Variants in PARN observed in about 807,000 individuals in gnomAD.
The protein encoded by PARN is poly(A)-specific ribonuclease.
PARN carries 71 observed loss-of-function variants against 102.8 expected under a neutral mutation model. The observed-to-expected ratio is 0.69, with a 90% confidence interval of 0.57 to 0.84. The LOEUF is 0.84. PARN is among the 40% of genes least tolerant of loss of function. The pLI, the probability that PARN is intolerant of heterozygous loss-of-function variation, is 0.00. For missense variants in PARN, 782 were observed against 760.9 expected, an observed-to-expected ratio of 1.03 and a Z score of -0.33; for synonymous variants, 261 against 252.9, an observed-to-expected ratio of 1.03 and a Z score of -0.30.
At chr16:14,542,315 TTTC>T (rs1651395078) in intron 21 of PARN, among the ~76,000 whole-genome samples, 1 of 151,800 alleles carries the variant, frequency 6.6e-6, no homozygotes, top group Non-Finnish European at 1.5e-5. Context: ...CTTTTTTTTT[TTTC>T]TTCTTTTTTT....
intron 22 of PARN, among the ~76,000 whole-genome samples, chr16:14,472,622 A>G (rs567849540): frequency 6.6e-6 from 1 of 152,264 alleles, no homozygotes; most frequent in African/African-American, 2.4e-5. Flanking sequence ...AGGCACAAAA[A>G]ACATGGCACC....
In PARN at chr16:14,559,382, T is replaced by C. The variant is rs76114605; in HGVS notation, c.1263-3673A>G. On this transcript the variant is annotated intron_variant, in intron 18 of 23. Coordinates refer to ENST00000437198, the MANE Select transcript of PARN (RefSeq NM_002582.4). ...TCTGATTAAAGTAAGCAAAAATTTA[T>C]TCTCAGCTAAAACACTCAAAAGATT... 2.9e-3 allele frequency among the ~76,000 whole-genome samples: 435 copies of C among 152,136 alleles called. 4 individuals carry two copies. Among genetic ancestry groups the C allele is most frequent in the Admixed American group, 0.013 (192 of 15,266 alleles).
intron 21 of PARN, among the ~76,000 whole-genome samples, chr16:14,508,296 A>T (rs1965000601): frequency 6.6e-6 from 1 of 152,076 alleles, no homozygotes; most frequent in East Asian, 1.9e-4. Context: ...TTGAGATGCC[A>T]AGGTAGGGGG....
At chr16:14,617,827 A>G (rs971831225) in intron 5 of PARN, among the ~76,000 whole-genome samples, 177 bp from the exon 6 acceptor site, 1 of 152,178 alleles carries the variant, frequency 6.6e-6, no homozygotes, top group African/African-American at 2.4e-5. Flanking sequence ...TGCTTAAAAC[A>G]TTTGGGCTCT....
intron 23 of PARN, among the ~76,000 whole-genome samples, chr16:14,445,763 C>T (rs1302655056): frequency 2.0e-5 from 3 of 152,172 alleles, no homozygotes; most frequent in Non-Finnish European, 4.4e-5. Flanking sequence ...GTGGTTTTGC[C>T]ATGTTGGCCA....
chr16:14,523,381 T>G (rs145713269), intron 21 of PARN, among the ~76,000 whole-genome samples: 1 of 152,000 alleles, frequency 6.6e-6, no homozygotes, highest in African/African-American at 2.4e-5. Flanking sequence ...AGTTAGAAAA[T>G]GTACTTTCAA....
chr16:14,539,795 A>G (rs1195176000), intron 21 of PARN, among the ~76,000 whole-genome samples: 3 of 152,210 alleles, frequency 2.0e-5, no homozygotes, highest in Non-Finnish European at 2.9e-5. Context: ...TCAGCCCTCC[A>G]TATCTGTGGG....
intron 21 of PARN, among the ~76,000 whole-genome samples, chr16:14,540,978 A>G (rs540884576): frequency 6.6e-6 from 1 of 152,158 alleles, no homozygotes; most frequent in East Asian, 1.9e-4. Flanking sequence ...AATAGATGCC[A>G]TAAGGGTTAC....
At chr16:14,584,288 C>A in intron 16 of PARN, 59 bp downstream of exon 16, 1 of 1,233,482 alleles carries the variant, frequency 8.1e-7, no homozygotes, top group African/African-American at 1.5e-5. Context: ...TTTTCTTCTA[C>A]AATATACATC....
intron 21 of PARN, among the ~76,000 whole-genome samples, chr16:14,522,388 G>C (rs1312297904): frequency 6.6e-6 from 1 of 152,136 alleles, no homozygotes; most frequent in Non-Finnish European, 1.5e-5. Context: ...AAATAAGAGA[G>C]AAAAGAGCTG....
chr16:14,589,181 AAAATAAATAAAT>A (rs55852219), intron 13 of PARN, among the ~76,000 whole-genome samples: 3 of 149,664 alleles, frequency 2.0e-5, no homozygotes, highest in South Asian at 2.1e-4. Flanking sequence ...CTCTGTCTCA[AAAATAAATAAAT>A]AAATAAATAA....
chr16:14,446,786 C>T, intron 23 of PARN, 102 bp downstream of exon 23: 1 of 757,222 alleles, frequency 1.3e-6, no homozygotes, highest in Non-Finnish European at 2.1e-6. Flanking sequence ...ATGGGCTTTG[C>T]CACCAAGTGA....
intron 13 of PARN, 63 bp from the exon 14 acceptor site, chr16:14,586,424 G>T: frequency 1.0e-6 from 1 of 961,144 alleles, no homozygotes; most frequent in Non-Finnish European, 1.6e-6. Flanking sequence ...TAAAAAACAT[G>T]TAAACAGCTC....
rs183286288 is a variant in PARN, at chr16:14,629,927, C to T, written c.19+180G>A. On this transcript the variant is annotated intron_variant, in intron 1 of 23. Transcript: ENST00000437198. Reference sequence around the variant, plus strand: ...GGTTGGAGGAGTAAGTACAAGGCTCCTAGGGTGCACGGTCCGCAGCCGGAA... The same window carrying T: ...GGTTGGAGGAGTAAGTACAAGGCTCTTAGGGTGCACGGTCCGCAGCCGGAA... Among the ~76,000 whole-genome samples the T allele has an allele frequency of 2.7e-3, 408 of 152,322 alleles. 1 individual carries two copies. Among genetic ancestry groups the T allele is most frequent in the Admixed American group, 7.5e-3 (115 of 15,306 alleles).
chr16:14,577,174 A>G (rs1969195737), intron 18 of PARN, among the ~76,000 whole-genome samples: 1 of 152,248 alleles, frequency 6.6e-6, no homozygotes, highest in African/African-American at 2.4e-5. Flanking sequence ...TACATTTAGA[A>G]AAGACTGGTG....
chr16:14,558,667 A>G (rs903259174), intron 18 of PARN, among the ~76,000 whole-genome samples: 3 of 152,226 alleles, frequency 2.0e-5, no homozygotes, highest in Admixed American at 1.3e-4. Flanking sequence ...CAAAATTTCA[A>G]TATAATATTA....
rs1567474651 is a variant in PARN, at chr16:14,629,968, G to C, written c.19+139C>G. ...GCAGCCGGAAAAGACCCCAAGAGGCGCACCGGCTTAAGGAGGGAAAAGCCC... is the reference window on the plus strand; with the variant it reads ...GCAGCCGGAAAAGACCCCAAGAGGCCCACCGGCTTAAGGAGGGAAAAGCCC... On this transcript the variant is annotated intron_variant, in intron 1 of 23. Coordinates refer to ENST00000437198, the MANE Select transcript of PARN (RefSeq NM_002582.4). The C allele has an allele frequency of 6.5e-6, 5 of 773,848 alleles. No homozygotes were observed. In the South Asian group the frequency reaches 8.2e-5, roughly 13 times the overall value. 47.9% of individuals were successfully genotyped at this position (773,848 alleles called of 1,614,324 possible). A position where few individuals can be genotyped will look rare whatever the true frequency, so the allele number is the denominator to read the frequency against.
chr16:14,518,803 A>G lies in PARN; in HGVS notation c.1480+33218T>C, dbSNP rs142987236. On this transcript the variant is annotated intron_variant, in intron 21 of 23. Coordinates refer to ENST00000437198, the MANE Select transcript of PARN (RefSeq NM_002582.4). ...TTGGAACTACGACAATATTTTAAAT[A>G]ATTACAGAACAGTTATATTTTTAAA... 2.6e-5 allele frequency among the ~76,000 whole-genome samples: 4 copies of G among 152,332 alleles called. No homozygotes were observed. The East Asian group carries it at 7.7e-4, about 29-fold the overall frequency.
At chr16:14,609,670 G>A (rs1325583058) in intron 7 of PARN, among the ~76,000 whole-genome samples, 2 of 152,188 alleles carry the variant, frequency 1.3e-5, no homozygotes, top group East Asian at 3.8e-4. Context: ...TCAAGGACTC[G>A]TCAATACAAG....
Sources: gnomAD v4.1 joint callset for allele counts (sites outside exome capture counted in the v4.1 genomes callset) on GRCh38, gnomAD v4.1.1 for gene constraint, MANE v1.5 for transcripts, NCBI Gene and HGNC (gene_info 2026-07-23, HGNC 2026-07-21) for gene names.